Variants in KCNN2 observed in about 807,000 individuals in gnomAD.
KCNN2 encodes potassium calcium-activated channel subfamily N member 2.
In KCNN2, 24 loss-of-function variants were observed where a neutral mutation model predicts 55.5. The observed-to-expected ratio is 0.43, with a 90% CI of 0.31 to 0.61. KCNN2 has a LOEUF of 0.61. Among genes scored for constraint, KCNN2 ranks in the 20% least tolerant of loss-of-function variants. The pLI, the probability that KCNN2 is intolerant of heterozygous loss-of-function variation, is 0.08. For synonymous variants in KCNN2, 431 were observed against 336.1 expected, an observed-to-expected ratio of 1.28 and a Z score of -3.09; for missense variants, 754 against 853.6, an observed-to-expected ratio of 0.88 and a Z score of 1.45.
intron 3 of KCNN2, among the ~76,000 whole-genome samples, chr5:114,447,200 C>T (rs1760449539): frequency 6.6e-6 from 1 of 152,180 alleles, no homozygotes; most frequent in East Asian, 1.9e-4. Flanking sequence ...CTCTAGAGCA[C>T]CCCTGTGGCT....
At chr5:114,436,610 A>ACTTT (rs753879075) in intron 3 of KCNN2, among the ~76,000 whole-genome samples, 1 of 152,164 alleles carries the variant, frequency 6.6e-6, no homozygotes, top group East Asian at 1.9e-4. Context: ...TCCTCACGAT[A>ACTTT]CTTTGTTTCT....
At chr5:114,063,432 T>C (rs1436223768) in intron 1 of KCNN2, among the ~76,000 whole-genome samples, 2 of 152,204 alleles carry the variant, frequency 1.3e-5, no homozygotes, top group Non-Finnish European at 2.9e-5. Context: ...CTTAAATTCA[T>C]GGTTTTCAAA....
intron 1 of KCNN2, among the ~76,000 whole-genome samples, chr5:114,105,130 C>T (rs1355974001): frequency 6.6e-6 from 1 of 152,038 alleles, no homozygotes; most frequent in African/African-American, 2.4e-5. Flanking sequence ...TAAATCCTTA[C>T]CCTAGACTGG....
At chr5:114,146,474 A>G (rs1048971966) in intron 1 of KCNN2, among the ~76,000 whole-genome samples, 19 of 152,274 alleles carry the variant, frequency 1.2e-4, no homozygotes, top group Middle Eastern at 3.4e-3. Flanking sequence ...AATTCCCATA[A>G]CTGCAAAACA....
At position 114,449,568 on chromosome 5, in the gene KCNN2, C is replaced by T. The variant is rs116372897; in HGVS notation, c.1638-13481C>T. ...CTCTTAGAGAAAAGCGAGGCTCAGA[C>T]ATTAGGATGCACTGCTGTGGGTCAT... is the stretch of plus-strand genomic sequence containing the variant. On this transcript the variant is annotated intron_variant, in intron 3 of 7. Coordinates refer to ENST00000673685, the MANE Select transcript of KCNN2 (RefSeq NM_021614.4). Among the ~76,000 whole-genome samples the T allele has an allele frequency of 5.7e-3, 870 of 152,266 alleles. 7 individuals carry two copies. Among genetic ancestry groups the T allele is most frequent in the Middle Eastern group, 0.01 (3 of 294 alleles).
chr5:114,427,860 CAG>C (rs1051023563), intron 3 of KCNN2, among the ~76,000 whole-genome samples: 3 of 152,296 alleles, frequency 2.0e-5, no homozygotes, highest in East Asian at 1.9e-4. Context: ...TGCATTATAA[CAG>C]AGTCATTCCA....
intron 3 of KCNN2, among the ~76,000 whole-genome samples, chr5:114,425,115 A>C (rs1353572442): frequency 1.3e-5 from 2 of 152,200 alleles, no homozygotes; most frequent in Non-Finnish European, 2.9e-5. Flanking sequence ...CTGGTGAAGA[A>C]ATGATGAAAA....
intron 4 of KCNN2, 83 bp from the exon 5 acceptor site, chr5:114,472,971 T>G: frequency 2.7e-6 from 2 of 745,348 alleles, no homozygotes; most frequent in South Asian, 2.3e-5. Context: ...AACTTTTGCA[T>G]TTGATGCAAA....
In KCNN2 at chr5:114,487,038, T is replaced by C. The variant is rs117446334; in HGVS notation, c.1891-12T>C. The C allele has an allele frequency of 1.2e-3, 2,005 of 1,612,574 alleles. 40 individuals are homozygous for C. The East Asian group carries it at 0.04, about 32-fold the overall frequency. ...TGGAATTTATCAACTGCTTTGTTTGTTCTCTTAACAGGTAAAAAATGCAGC... is the reference window on the plus strand; with the variant it reads ...TGGAATTTATCAACTGCTTTGTTTGCTCTCTTAACAGGTAAAAAATGCAGC... On this transcript the variant is annotated splice_polypyrimidine_tract_variant and intron_variant, in intron 5 of 7. Transcript: ENST00000673685.
At chr5:114,487,713 T>G (rs1747642922) in intron 6 of KCNN2, among the ~76,000 whole-genome samples, 1 of 152,200 alleles carries the variant, frequency 6.6e-6, no homozygotes, top group Non-Finnish European at 1.5e-5. Flanking sequence ...CATTGTTATA[T>G]AATTAGCATA....
At chr5:114,466,989 A>G (rs2150119263) in intron 4 of KCNN2, among the ~76,000 whole-genome samples, 1 of 152,320 alleles carries the variant, frequency 6.6e-6, no homozygotes, top group Non-Finnish European at 1.5e-5. Flanking sequence ...AAGGAGCAAA[A>G]AAACAAGTCA....
intron 2 of KCNN2, among the ~76,000 whole-genome samples, chr5:114,373,640 T>TTATATATATATATATATATA (rs61356539): frequency 0.015 from 874 of 56,654 alleles, 163 homozygotes; most frequent in East Asian, 0.044. Context: ...TATGAAGATT[T>TTATATATATATATATATATA]TATATATATA....
chr5:114,064,779 A>G (rs920289032), intron 1 of KCNN2, among the ~76,000 whole-genome samples: 15 of 152,206 alleles, frequency 9.9e-5, no homozygotes, highest in African/African-American at 3.6e-4. Context: ...TCTTCAGCTC[A>G]AAGTGGAAAG....
chr5:114,296,381 C>T (rs1019704466), intron 2 of KCNN2, among the ~76,000 whole-genome samples: 3 of 152,254 alleles, frequency 2.0e-5, no homozygotes, highest in Middle Eastern at 3.4e-3. Flanking sequence ...AATCTTGCCT[C>T]GGCTGCTGAT....
chr5:114,115,391 T>G (rs1751690649), intron 1 of KCNN2, among the ~76,000 whole-genome samples: 1 of 152,250 alleles, frequency 6.6e-6, no homozygotes, highest in African/African-American at 2.4e-5. Flanking sequence ...AGACAACAAA[T>G]TAACATTCTA....
At chr5:114,097,764 C>A (rs77442331) in intron 1 of KCNN2, among the ~76,000 whole-genome samples, 2,366 of 152,196 alleles carry the variant, frequency 0.016, 55 homozygotes, top group African/African-American at 0.053. Flanking sequence ...GCCACTAGCT[C>A]CCCCTAGATT....
intron 1 of KCNN2, among the ~76,000 whole-genome samples, chr5:114,209,449 C>G (rs377335886): frequency 2.0e-5 from 3 of 151,836 alleles, no homozygotes; most frequent in African/African-American, 7.3e-5. Flanking sequence ...ATCCGTGGAC[C>G]CTTTCTCCAG....
intron 2 of KCNN2, among the ~76,000 whole-genome samples, chr5:114,312,464 T>C (rs1279454833): frequency 2.9e-4 from 34 of 118,180 alleles, no homozygotes; most frequent in African/African-American, 1.0e-3. Context: ...TATATATATA[T>C]ATATATATAT....
At chr5:114,370,357 T>C (rs1320476786) in intron 2 of KCNN2, among the ~76,000 whole-genome samples, 4 of 152,174 alleles carry the variant, frequency 2.6e-5, no homozygotes, top group African/African-American at 9.7e-5. Flanking sequence ...TTAAAAGTTT[T>C]TGAGGTCTGC....
Sources: allele counts gnomAD v4.1 joint callset (sites outside exome capture counted in the v4.1 genomes callset), GRCh38; gene constraint gnomAD v4.1.1; transcripts MANE v1.5; gene names NCBI Gene and HGNC (gene_info 2026-07-23, HGNC 2026-07-21).